The following PPIP5K1 variants were observed in gnomAD, a reference collection of about 807,000 sequenced individuals.
PPIP5K1 encodes the protein inositol hexakisphosphate and diphosphoinositol-pentakisphosphate kinase 1.
Under a neutral mutation model 27.7 loss-of-function variants are expected in PPIP5K1, and 6 were observed. That is an observed-to-expected ratio of 0.22 (90% CI 0.12 to 0.43). The LOEUF is 0.43. Ranked by LOEUF, PPIP5K1 falls within the 20% of genes least tolerant of loss-of-function variation. PPIP5K1 has a pLI of 1.00. For synonymous variants in PPIP5K1, 145 were observed against 242.6 expected (o/e 0.60, Z 3.74); for missense variants, 394 against 635.4 (o/e 0.62, Z 4.08).
At chr15:43,547,015 C>G (rs1024742363) in intron 30 of PPIP5K1, among the ~76,000 whole-genome samples, 3 of 152,188 alleles carry the variant, frequency 2.0e-5, no homozygotes, top group African/African-American at 7.2e-5. Context: ...CTATTTTATA[C>G]TTCCATTAGC....
intron 30 of PPIP5K1, among the ~76,000 whole-genome samples, chr15:43,543,247 T>C: frequency 8.3e-6 from 1 of 121,208 alleles, no homozygotes; most frequent in South Asian, 2.9e-4. Flanking sequence ...GGAAAAAAAA[T>C]TCTAAACAAA....
Position 43,579,650 on chromosome 15 carries a change from TA to T in PPIP5K1, c.1062-531del, listed in dbSNP as rs1285448936. Among the ~76,000 whole-genome samples, 183 of 63,272 alleles carry T rather than the reference TA, an allele frequency of 2.9e-3. 1 individual carries two copies. The highest frequency in any genetic ancestry group is 7.8e-3 in the Middle Eastern group (1 of 128). The allele number at this position is 63,272 out of a possible 152,430, so 41.5% of individuals were successfully genotyped here. On this transcript the variant is annotated intron_variant, in intron 10 of 31. Transcript: ENST00000420765. Reference sequence around the variant, plus strand: ...GTGTGTGTATATATATATATATATATATATTTTTTTTTTTTTTTTTTTTTTT... The same window carrying T: ...GTGTGTGTATATATATATATATATATTATTTTTTTTTTTTTTTTTTTTTTT...
At chr15:43,551,999 G>A (rs1171098889) in intron 30 of PPIP5K1, among the ~76,000 whole-genome samples, 2 of 150,500 alleles carry the variant, frequency 1.3e-5, no homozygotes, top group Non-Finnish European at 1.5e-5. Flanking sequence ...TTTGAGACAG[G>A]CTGGAATGCA....
intron 10 of PPIP5K1, among the ~76,000 whole-genome samples, chr15:43,579,415 C>CACACACACGTATGTGTACAT (rs2084684043): frequency 1.7e-5 from 2 of 117,326 alleles, no homozygotes; most frequent in African/African-American, 5.8e-5. Flanking sequence ...CACACACACA[C>CACACACACGTATGTGTACAT]ACACACACGT....
intron 30 of PPIP5K1, among the ~76,000 whole-genome samples, chr15:43,545,664 G>A (rs1005968073): frequency 2.0e-5 from 3 of 151,232 alleles, no homozygotes; most frequent in Admixed American, 6.6e-5. Context: ...TCTTTTTTTT[G>A]CTTCACAAGT....
chr15:43,534,459 T>A lies in PPIP5K1; in HGVS notation c.*215A>T, dbSNP rs187542786. 1.8e-5 allele frequency: 8 copies of A among 448,530 alleles called. No homozygotes were observed. The highest frequency in any genetic ancestry group is 1.4e-4 in the African/African-American group (7 of 50,168). The allele number at this position is 448,530 out of a possible 1,614,324, so 27.8% of individuals were successfully genotyped here. A position where few individuals can be genotyped will look rare whatever the true frequency, so the allele number is the denominator to read the frequency against. On this transcript the variant is annotated 3_prime_UTR_variant, in exon 32 of 32. Coordinates refer to ENST00000420765, the MANE Select transcript of PPIP5K1 (RefSeq NM_001394395.1). The stretch of plus-strand genomic sequence containing the variant: ...GACACCGCTGGTGAGAGCTGGCCAG[T>A]GAGTTAGCCAACAGAAAAGGTTGCT...
At chr15:43,555,758 A>G (rs1345267784) in intron 30 of PPIP5K1, among the ~76,000 whole-genome samples, 1 of 151,966 alleles carries the variant, frequency 6.6e-6, no homozygotes, top group African/African-American at 2.4e-5. Context: ...GGTGCATGCC[A>G]CCATGCCCGG....
At chr15:43,558,375 A>C (rs117155554) in intron 30 of PPIP5K1, among the ~76,000 whole-genome samples, 1 of 151,850 alleles carries the variant, frequency 6.6e-6, no homozygotes, top group African/African-American at 2.4e-5. Flanking sequence ...CTGCAGGCGC[A>C]CACCACCGCA....
intron 30 of PPIP5K1, among the ~76,000 whole-genome samples, chr15:43,550,101 C>T (rs933286612): frequency 2.0e-5 from 3 of 152,050 alleles, no homozygotes; most frequent in Non-Finnish European, 4.4e-5. Context: ...CCACTGAGCC[C>T]GGCCCACAAG....
chr15:43,558,770 G>T, intron 30 of PPIP5K1, 25 bp downstream of exon 30: 1 of 1,612,236 alleles, frequency 6.2e-7, no homozygotes, highest in Non-Finnish European at 8.5e-7. Flanking sequence ...CAGAGAGAAG[G>T]GTAAAAAAAT....
At position 43,534,538 on chromosome 15, in the gene PPIP5K1, T is replaced by C. The variant is rs2079574383; in HGVS notation, c.*136A>G. 1 of 736,196 alleles carries C rather than the reference T, an allele frequency of 1.4e-6. No individual in the cohort carries two copies. The highest frequency in any genetic ancestry group is 2.6e-5 in the East Asian group (1 of 38,260). The allele number at this position is 736,196 out of a possible 1,614,324, so 45.6% of individuals were successfully genotyped here. ...CACTAATGAGAAAATTAATCACATG[T>C]TGCTGGTGGAAGGGGTGAGTGCTGG... On this transcript the variant is annotated 3_prime_UTR_variant, in exon 32 of 32. Transcript: ENST00000420765.
At chr15:43,535,987 T>C (rs1411346248) in intron 31 of PPIP5K1, 2 of 881,764 alleles carry the variant, frequency 2.3e-6, no homozygotes, top group Non-Finnish European at 3.0e-6. Context: ...TTGAATCTGA[T>C]GTACACCTTC....
At chr15:43,556,890 C>T (rs1347458903) in intron 30 of PPIP5K1, among the ~76,000 whole-genome samples, 6 of 152,136 alleles carry the variant, frequency 3.9e-5, no homozygotes, top group Admixed American at 3.3e-4. Flanking sequence ...TTTAGGTTGC[C>T]TCTTTCTGGA....
rs557785211 is a variant in PPIP5K1 at position 43,541,528 on chromosome 15, C to A, written c.3557-1945G>T. Among the ~76,000 whole-genome samples the A allele has an allele frequency of 1.6e-3, 240 of 152,158 alleles. 1 individual carries two copies. The highest frequency in any genetic ancestry group is 0.012 in the South Asian group (59 of 4,818). The stretch of plus-strand genomic sequence containing the variant: ...GGTCAGGAATTCAAGACCAGCCTGG[C>A]CAATATGGAGAAATTCCATTTCTAC... On this transcript the variant is annotated intron_variant, in intron 30 of 31. Transcript: ENST00000420765.
At chr15:43,588,443 C>A (rs2085452993) in intron 1 of PPIP5K1, among the ~76,000 whole-genome samples, 1 of 114,822 alleles carries the variant, frequency 8.7e-6, no homozygotes, top group African/African-American at 5.9e-5. Context: ...TTGTTGTGCA[C>A]TGCAGGTCTC....
At chr15:43,554,059 C>T (rs937843611) in intron 30 of PPIP5K1, among the ~76,000 whole-genome samples, 14 of 152,142 alleles carry the variant, frequency 9.2e-5, no homozygotes, top group African/African-American at 3.4e-4. Flanking sequence ...AGGAGGATCA[C>T]TTAAATCTAG....
At chr15:43,550,073 C>T (rs1156328713) in intron 30 of PPIP5K1, among the ~76,000 whole-genome samples, 1 of 152,056 alleles carries the variant, frequency 6.6e-6, no homozygotes, top group Non-Finnish European at 1.5e-5. Flanking sequence ...CTCAAAGTGC[C>T]AGGATTACAG....
chr15:43,545,502 G>T (rs1469049874), intron 30 of PPIP5K1, among the ~76,000 whole-genome samples: 2 of 146,076 alleles, frequency 1.4e-5, no homozygotes, highest in African/African-American at 2.6e-5. Context: ...TTTAGTGATG[G>T]GGTTGTTCAG....
intron 31 of PPIP5K1, among the ~76,000 whole-genome samples, chr15:43,537,068 G>A (rs969110755): frequency 3.9e-5 from 6 of 151,906 alleles, no homozygotes; most frequent in African/African-American, 1.5e-4. Flanking sequence ...TGGACACGGT[G>A]GCTCATACTT....
Sources: allele counts gnomAD v4.1 joint callset (sites outside exome capture counted in the v4.1 genomes callset), GRCh38; gene constraint gnomAD v4.1.1; transcripts MANE v1.5; gene names NCBI Gene and HGNC (gene_info 2026-07-23, HGNC 2026-07-21).